AP5M1: variants seen among roughly 807,000 people sequenced by gnomAD.
The protein encoded by AP5M1 is adaptor related protein complex 5 subunit mu 1, also known as AP-5 complex subunit mu-1.
A neutral mutation model predicts 52.3 loss-of-function variants in AP5M1; 44 were observed. The ratio of observed to expected loss-of-function variants is 0.84; its 90% confidence interval spans 0.66 to 1.08. The LOEUF (loss-of-function observed/expected upper bound fraction) is 1.08. AP5M1 is among the 50% of genes least tolerant of loss of function. AP5M1 has a pLI of 0.00. For synonymous variants in AP5M1, 213 were observed against 199.0 expected (o/e 1.07, Z -0.59); for missense variants, 526 against 568.4 (o/e 0.93, Z 0.76).
chr14:57,269,081 A>T lies in AP5M1; in HGVS notation c.-234A>T. 1 of 569,626 alleles carries T rather than the reference A, an allele frequency of 1.8e-6. No homozygotes were observed. Among genetic ancestry groups the T allele is most frequent in the East Asian group, 3.0e-5 (1 of 33,874 alleles). The allele number at this position is 569,626 out of a possible 1,614,324, so 35.3% of individuals were successfully genotyped here. A position where few individuals can be genotyped will look rare whatever the true frequency, so the allele number is the denominator to read the frequency against. On this transcript the variant is annotated 5_prime_UTR_variant, in exon 1 of 8. Coordinates refer to ENST00000261558, the MANE Select transcript of AP5M1 (RefSeq NM_018229.4). ...GTTGCAGGGTATAGGTAAATTTCTC[A>T]AGGTTATAGGTTGGGGTTCTTAGAA... is the stretch of plus-strand genomic sequence containing the variant.
At position 57,289,327 on chromosome 14, in the gene AP5M1, T is replaced by A. The variant is rs1566520850; in HGVS notation, c.*443T>A. On this transcript the variant is annotated 3_prime_UTR_variant, in exon 8 of 8. Coordinates refer to ENST00000261558, the MANE Select transcript of AP5M1 (RefSeq NM_018229.4). Reference sequence around the variant, plus strand: ...TAGATAATGTGCAAGATAAAAACTATTTTCTCTTCCAAATCTAAGTACTAA... The same window carrying A: ...TAGATAATGTGCAAGATAAAAACTAATTTCTCTTCCAAATCTAAGTACTAA... 6.6e-6 allele frequency: 1 copy of A among 152,414 alleles called. No homozygotes were observed. Among genetic ancestry groups the A allele is most frequent in the African/African-American group, 2.4e-5 (1 of 41,412 alleles). 9.4% of individuals were successfully genotyped at this position (152,414 alleles called of 1,614,324 possible).
rs536573303 is a variant in AP5M1, at chr14:57,283,958, G to T, written c.1293+728G>T. Among the ~76,000 whole-genome samples, 14 of 152,308 alleles carry T rather than the reference G, an allele frequency of 9.2e-5. 1 individual carries two copies. In the Middle Eastern group the frequency reaches 0.017, roughly 185 times the overall value. On this transcript the variant is annotated intron_variant, in intron 6 of 7. Transcript: ENST00000261558. ...GCCATGATTGTGCCACTGCATTCCA[G>T]CCTGGGCGATAGAGTAAGACTCTGT...
At chr14:57,285,941 G>A (rs1034750395) in intron 6 of AP5M1, among the ~76,000 whole-genome samples, 4 of 152,068 alleles carry the variant, frequency 2.6e-5, no homozygotes, top group African/African-American at 9.7e-5. Flanking sequence ...AGCATACCTT[G>A]CAGTATGGAT....
At position 57,289,351 on chromosome 14, in the gene AP5M1, A is replaced by G. The variant is rs1275940387; in HGVS notation, c.*467A>G. The G allele has an allele frequency of 2.0e-5, 3 of 152,406 alleles. No homozygotes were observed. The East Asian group carries it at 5.8e-4, about 29-fold the overall frequency. 9.4% of individuals were successfully genotyped at this position (152,406 alleles called of 1,614,324 possible). A position where few individuals can be genotyped will look rare whatever the true frequency, so the allele number is the denominator to read the frequency against. On this transcript the variant is annotated 3_prime_UTR_variant, in exon 8 of 8. Transcript: ENST00000261558. Reference sequence around the variant, plus strand: ...ATTTTCTCTTCCAAATCTAAGTACTAAGCTCCTAGTATAAGGTGTTGTTAC... The same window carrying G: ...ATTTTCTCTTCCAAATCTAAGTACTGAGCTCCTAGTATAAGGTGTTGTTAC...
Position 57,288,958 on chromosome 14 carries a change from G to A in AP5M1, c.*74G>A. 1 of 877,162 alleles carries A rather than the reference G, an allele frequency of 1.1e-6. No homozygotes were observed. The highest frequency in any genetic ancestry group is 1.6e-5 in the South Asian group (1 of 62,366). 54.3% of individuals were successfully genotyped at this position (877,162 alleles called of 1,614,324 possible). On this transcript the variant is annotated 3_prime_UTR_variant, in exon 8 of 8. Transcript: ENST00000261558. The stretch of plus-strand genomic sequence containing the variant: ...ATCATAATCTTATATTTTTAATGTG[G>A]ATGCATATAACCTGTGAGTGAAAAA...
At chr14:57,286,994 C>T (rs1885324014) in intron 7 of AP5M1, among the ~76,000 whole-genome samples, 4 of 125,286 alleles carry the variant, frequency 3.2e-5, no homozygotes, top group South Asian at 4.3e-4. Flanking sequence ...TACACACACA[C>T]ATACACACAC....
intron 1 of AP5M1, among the ~76,000 whole-genome samples, chr14:57,272,903 G>C (rs940616094): frequency 6.6e-6 from 1 of 151,914 alleles, no homozygotes; most frequent in Admixed American, 6.6e-5. Context: ...TTGTTTGCTT[G>C]CTTGCTTGCT....
At position 57,289,772 on chromosome 14, in the gene AP5M1, T is replaced by G. The variant is rs1885397582; in HGVS notation, c.*888T>G. On this transcript the variant is annotated 3_prime_UTR_variant, in exon 8 of 8. Coordinates refer to ENST00000261558, the MANE Select transcript of AP5M1 (RefSeq NM_018229.4). ...ATTCTGGTAAAAATTCAAAAGGCAC[T>G]CTGTGAGTAGAGAGTATCATTTAAG... 1 of 152,036 alleles carries G rather than the reference T, an allele frequency of 6.6e-6. No individual in the cohort carries two copies. The highest frequency in any genetic ancestry group is 2.1e-4 in the South Asian group (1 of 4,832). 9.4% of individuals were successfully genotyped at this position (152,036 alleles called of 1,614,324 possible).
rs1469116604 is a variant in AP5M1, at chr14:57,293,927, A to T, written c.*5043A>T. The T allele has an allele frequency of 2.6e-5, 4 of 151,648 alleles. No homozygotes were observed. The highest frequency in any genetic ancestry group is 5.9e-5 in the Non-Finnish European group (4 of 67,712). The allele number at this position is 151,648 out of a possible 1,614,324, so 9.4% of individuals were successfully genotyped here. A position where few individuals can be genotyped will look rare whatever the true frequency, so the allele number is the denominator to read the frequency against. On this transcript the variant is annotated 3_prime_UTR_variant, in exon 8 of 8. Transcript: ENST00000261558. ...TGATTCATTAAACTGAAAATTGCAA[A>T]GGAACTCATGAGTTCCTTTGTGATT...
Position 57,296,221 on chromosome 14 carries a change from T to A in AP5M1, c.*7337T>A, listed in dbSNP as rs2139704942. 1 of 152,170 alleles carries A rather than the reference T, an allele frequency of 6.6e-6. No individual in the cohort carries two copies. Among genetic ancestry groups the A allele is most frequent in the South Asian group, 2.1e-4 (1 of 4,828 alleles). The allele number at this position is 152,170 out of a possible 1,614,324, so 9.4% of individuals were successfully genotyped here. A position where few individuals can be genotyped will look rare whatever the true frequency, so the allele number is the denominator to read the frequency against. ...CTCTTAGTGTTACTGAATACAAGTT[T>A]AGTATTCTGTAATCCCTTATGGATT... is the stretch of plus-strand genomic sequence containing the variant. On this transcript the variant is annotated 3_prime_UTR_variant, in exon 8 of 8. Coordinates refer to ENST00000261558, the MANE Select transcript of AP5M1 (RefSeq NM_018229.4).
In AP5M1 at chr14:57,297,620, T is replaced by C. The variant is rs1163918438; in HGVS notation, c.*8736T>C. ...TGGAAAACAAGAAAAATACAAGCTC[T>C]AGAGTAGTGGCCTCACATTGATTTA... is the stretch of plus-strand genomic sequence containing the variant. On this transcript the variant is annotated 3_prime_UTR_variant, in exon 8 of 8. Coordinates refer to ENST00000261558, the MANE Select transcript of AP5M1 (RefSeq NM_018229.4). The C allele has an allele frequency of 1.3e-5, 2 of 152,006 alleles. No homozygotes were observed. Among genetic ancestry groups the C allele is most frequent in the Non-Finnish European group, 2.9e-5 (2 of 67,966 alleles). The allele number at this position is 152,006 out of a possible 1,614,324, so 9.4% of individuals were successfully genotyped here. A position where few individuals can be genotyped will look rare whatever the true frequency, so the allele number is the denominator to read the frequency against.
In AP5M1 at chr14:57,294,997, C is replaced by T. The variant is rs951972491; in HGVS notation, c.*6113C>T. The T allele has an allele frequency of 2.6e-5, 4 of 151,688 alleles. No homozygotes were observed. Among genetic ancestry groups the T allele is most frequent in the Admixed American group, 6.6e-5 (1 of 15,202 alleles). The allele number at this position is 151,688 out of a possible 1,614,324, so 9.4% of individuals were successfully genotyped here. Reference sequence around the variant, plus strand: ...CAACAGATAATACTTTGGTACTGCCCGTTGCAGACATGGGCCTACTAAACT... The same window carrying T: ...CAACAGATAATACTTTGGTACTGCCTGTTGCAGACATGGGCCTACTAAACT... On this transcript the variant is annotated 3_prime_UTR_variant, in exon 8 of 8. Transcript: ENST00000261558.
In AP5M1 at chr14:57,295,061, C is replaced by T. The variant is rs1885520686; in HGVS notation, c.*6177C>T. ...GAAGAGCAAAAGGCAAAGGTTCCATCACCATCCTGTGGAAATACGTGAGTT... is the reference window on the plus strand; with the variant it reads ...GAAGAGCAAAAGGCAAAGGTTCCATTACCATCCTGTGGAAATACGTGAGTT... On this transcript the variant is annotated 3_prime_UTR_variant, in exon 8 of 8. Transcript: ENST00000261558. 6.6e-6 allele frequency: 1 copy of T among 151,900 alleles called. No individual in the cohort carries two copies. The highest frequency in any genetic ancestry group is 1.5e-5 in the Non-Finnish European group (1 of 67,860). The allele number at this position is 151,900 out of a possible 1,614,324, so 9.4% of individuals were successfully genotyped here. A position where few individuals can be genotyped will look rare whatever the true frequency, so the allele number is the denominator to read the frequency against.
intron 3 of AP5M1, 124 bp downstream of exon 3, chr14:57,280,546 G>A: frequency 1.4e-6 from 1 of 703,996 alleles, no homozygotes; most frequent in South Asian, 1.9e-5. Context: ...GACAATAATT[G>A]ATGATTGAAG....
intron 3 of AP5M1, 53 bp from the exon 4 acceptor site, chr14:57,282,036 T>C: frequency 7.0e-7 from 1 of 1,437,202 alleles, no homozygotes; most frequent in Non-Finnish European, 9.3e-7. Context: ...TTACTTTTGT[T>C]GTTTTAGACT....
chr14:57,273,624 T>G (rs1594697587), intron 1 of AP5M1: 1 of 653,968 alleles, frequency 1.5e-6, no homozygotes, highest in East Asian at 2.7e-5. Flanking sequence ...CATTCTGATT[T>G]TATTCTTTTT....
intron 6 of AP5M1, 112 bp from the exon 7 acceptor site, chr14:57,286,111 T>C (rs1341940395): frequency 2.9e-6 from 2 of 689,370 alleles, no homozygotes; most frequent in Non-Finnish European, 2.5e-6. Flanking sequence ...GTGGTTTTTA[T>C]TTTGTGAACT....
At chr14:57,272,926 TTTTG>T (rs1050933113) in intron 1 of AP5M1, among the ~76,000 whole-genome samples, 27 of 152,036 alleles carry the variant, frequency 1.8e-4, no homozygotes, top group African/African-American at 6.3e-4. Flanking sequence ...GTGTTTTTCT[TTTTG>T]TTTGTTTGTT....
chr14:57,269,316 T>TG lies in AP5M1; in HGVS notation c.4dup (p.Ala2?). ...AGCTAATGCTTTACTGACTTAACCA[T>TG]GGCGCAGCGGGCAGTGTGGCTCATA... is the stretch of plus-strand genomic sequence containing the variant. On this transcript the variant is annotated frameshift_variant and start_lost, in exon 1 of 8. Coordinates refer to ENST00000261558, the MANE Select transcript of AP5M1 (RefSeq NM_018229.4). LOFTEE classifies it high-confidence loss of function. 1 of 1,614,068 alleles carries TG rather than the reference T, an allele frequency of 6.2e-7. No homozygotes were observed. The highest frequency in any genetic ancestry group is 8.5e-7 in the Non-Finnish European group (1 of 1,179,994).
Sources: allele counts gnomAD v4.1 joint callset (sites outside exome capture counted in the v4.1 genomes callset), GRCh38; gene constraint gnomAD v4.1.1; transcripts MANE v1.5; gene names NCBI Gene and HGNC (gene_info 2026-07-23, HGNC 2026-07-21).